The following SGPP2 variants were observed in gnomAD, a reference collection of about 807,000 sequenced individuals.
SGPP2 encodes sphingosine 1-phosphate phosphohydrolase 2.
SGPP2 carries 30 observed loss-of-function variants against 33.9 expected under a neutral mutation model. That is an observed-to-expected ratio of 0.89 (90% CI 0.66 to 1.20). SGPP2 has a LOEUF of 1.20. Ranked by LOEUF, SGPP2 falls within the 50% of genes most tolerant of loss-of-function variation. The pLI, the probability that SGPP2 is intolerant of heterozygous loss-of-function variation, is 0.00. For synonymous variants in SGPP2, 233 were observed against 225.0 expected (o/e 1.04, Z -0.32); for missense variants, 458 against 532.1 (o/e 0.86, Z 1.37).
chr2:222,486,225 T>C (rs1005987623), intron 2 of SGPP2, among the ~76,000 whole-genome samples: 2 of 152,212 alleles, frequency 1.3e-5, no homozygotes, highest in African/African-American at 4.8e-5. Flanking sequence ...TGAGGCTTTC[T>C]GAATTTGACT....
At chr2:222,474,453 A>G (rs1697898044) in intron 1 of SGPP2, 115 bp from the exon 2 acceptor site, 3 of 852,556 alleles carry the variant, frequency 3.5e-6, no homozygotes, top group Non-Finnish European at 5.5e-6. Context: ...CCTTAATAAC[A>G]TAATGGGAGA....
intron 4 of SGPP2, among the ~76,000 whole-genome samples, chr2:222,556,090 T>C (rs1352937280): frequency 6.6e-6 from 1 of 152,162 alleles, no homozygotes; most frequent in African/African-American, 2.4e-5. Flanking sequence ...AGCCAATGAA[T>C]GTCCAGTGAG....
rs575344953 is a variant in SGPP2 at position 222,471,023 on chromosome 2, A to G, written c.220-3545A>G. ...TATCTTAGCAGAGAGGTGAAACTCT[A>G]CACTTCCTTATCTAATTCATTTGTG... On this transcript the variant is annotated intron_variant, in intron 1 of 4. Coordinates refer to ENST00000321276, the MANE Select transcript of SGPP2 (RefSeq NM_152386.4). Among the ~76,000 whole-genome samples, 18 of 152,356 alleles carry G rather than the reference A, an allele frequency of 1.2e-4. 1 individual carries two copies. The South Asian group carries it at 3.7e-3, about 32-fold the overall frequency.
intron 4 of SGPP2, among the ~76,000 whole-genome samples, chr2:222,547,846 G>T (rs1484068522): frequency 2.0e-5 from 3 of 152,058 alleles, no homozygotes; most frequent in African/African-American, 7.2e-5. Flanking sequence ...ATTTTTAAAT[G>T]GTAAAATCAT....
At chr2:222,483,993 T>C (rs551790761) in intron 2 of SGPP2, among the ~76,000 whole-genome samples, 1 of 152,192 alleles carries the variant, frequency 6.6e-6, no homozygotes. Context: ...CCCTCTGAAG[T>C]GGAATCTGTA....
intron 1 of SGPP2, among the ~76,000 whole-genome samples, chr2:222,425,810 G>C (rs1330184224): frequency 6.6e-6 from 1 of 152,178 alleles, no homozygotes; most frequent in Non-Finnish European, 1.5e-5. Flanking sequence ...TAAATTTCTA[G>C]ATGTAGTAAC....
intron 2 of SGPP2, among the ~76,000 whole-genome samples, chr2:222,475,811 G>A (rs72966759): frequency 0.056 from 8,559 of 152,252 alleles, 321 homozygotes; most frequent in East Asian, 0.14. Flanking sequence ...GTATCAGAGA[G>A]GCCTGAGCTC....
intron 1 of SGPP2, among the ~76,000 whole-genome samples, chr2:222,450,932 TC>T (rs773670441): frequency 6.6e-6 from 1 of 152,200 alleles, no homozygotes; most frequent in Non-Finnish European, 1.5e-5. Context: ...ATTTTCTGCA[TC>T]TTTTTTTTAA....
intron 4 of SGPP2, among the ~76,000 whole-genome samples, chr2:222,549,187 T>C (rs892109074): frequency 6.6e-6 from 1 of 152,224 alleles, no homozygotes; most frequent in Non-Finnish European, 1.5e-5. Context: ...TCAGCATAAA[T>C]AGTTTCAAGA....
At chr2:222,473,122 G>C (rs1047155971) in intron 1 of SGPP2, among the ~76,000 whole-genome samples, 1 of 152,244 alleles carries the variant, frequency 6.6e-6, no homozygotes, top group Non-Finnish European at 1.5e-5. Flanking sequence ...CAGCCAGCCT[G>C]TGAGGCTAGA....
chr2:222,481,290 A>T (rs996010841), intron 2 of SGPP2, among the ~76,000 whole-genome samples: 2 of 152,252 alleles, frequency 1.3e-5, no homozygotes, highest in African/African-American at 2.4e-5. Context: ...GTTAACTTCC[A>T]GTTCATATAT....
chr2:222,424,745 T>C lies in SGPP2; in HGVS notation c.143T>C (p.Val48Ala). ...PTERAARVPG[V>A]EHLPAANGKG... ...GAGCGCGCGGCGCGGGTCCCCGGGG[T>C]CGAGCATCTCCCCGCAGCCAACGGC... Residue 48 changes from valine (V) to alanine (A), a missense_variant, in exon 1 of 5, where the codon GTC (valine) becomes GCC (alanine). Val to Ala is a moderately conservative substitution (Grantham distance 64). Transcript: ENST00000321276. 1 of 1,419,720 alleles carries C rather than the reference T, an allele frequency of 7.0e-7. No individual in the cohort carries two copies. Among genetic ancestry groups the C allele is most frequent in the Non-Finnish European group, 9.2e-7 (1 of 1,088,192 alleles). 87.9% of individuals were successfully genotyped at this position (1,419,720 alleles called of 1,614,324 possible). A position where few individuals can be genotyped will look rare whatever the true frequency, so the allele number is the denominator to read the frequency against.
At chr2:222,557,801 G>A (rs1271012035) in intron 4 of SGPP2, among the ~76,000 whole-genome samples, 1 of 152,226 alleles carries the variant, frequency 6.6e-6, no homozygotes, top group East Asian at 1.9e-4. Context: ...TGGGGTAGTA[G>A]TGTCAAGGCT....
intron 2 of SGPP2, among the ~76,000 whole-genome samples, chr2:222,488,905 A>G (rs987670237): frequency 2.0e-5 from 3 of 152,236 alleles, no homozygotes. Context: ...CAGAGGGGCA[A>G]AAATGTTTGT....
chr2:222,519,020 C>T (rs1309376460), intron 2 of SGPP2, among the ~76,000 whole-genome samples: 4 of 152,184 alleles, frequency 2.6e-5, no homozygotes, highest in Non-Finnish European at 5.9e-5. Context: ...TGAAATAGTT[C>T]TTCATAGTGG....
chr2:222,437,746 G>T (rs1697266277), intron 1 of SGPP2, among the ~76,000 whole-genome samples: 1 of 152,158 alleles, frequency 6.6e-6, no homozygotes, highest in African/African-American at 2.4e-5. Context: ...ATGGTGACTT[G>T]ATAACCCATA....
At chr2:222,545,575 C>T (rs1053828087) in intron 4 of SGPP2, among the ~76,000 whole-genome samples, 3 of 152,186 alleles carry the variant, frequency 2.0e-5, no homozygotes, top group African/African-American at 2.4e-5. Flanking sequence ...AGCCACCACA[C>T]CTGGCCTTCA....
intron 2 of SGPP2, 147 bp from the exon 3 acceptor site, chr2:222,521,620 C>A (rs1264256043): frequency 9.1e-6 from 7 of 766,998 alleles, no homozygotes; most frequent in South Asian, 2.1e-5. Context: ...CTAAAATATC[C>A]TACAAGACTT....
At chr2:222,475,258 G>T (rs1697916384) in intron 2 of SGPP2, among the ~76,000 whole-genome samples, 1 of 152,086 alleles carries the variant, frequency 6.6e-6, no homozygotes, top group South Asian at 2.1e-4. Context: ...TAGTAGAGAT[G>T]GGGTTTCACC....
Sources: allele counts gnomAD v4.1 joint callset (sites outside exome capture counted in the v4.1 genomes callset), GRCh38; gene constraint gnomAD v4.1.1; transcripts MANE v1.5; gene names NCBI Gene and HGNC (gene_info 2026-07-23, HGNC 2026-07-21).